The following CLDND1 variants were observed in gnomAD, a reference collection of about 807,000 sequenced individuals.
The protein encoded by CLDND1 is claudin domain-containing protein 1.
Under a neutral mutation model 26.3 loss-of-function variants are expected in CLDND1, and 13 were observed. The ratio of observed to expected loss-of-function variants is 0.49; its 90% CI spans 0.32 to 0.78. The LOEUF (loss-of-function observed/expected upper bound fraction) is 0.78. Ranked by LOEUF, CLDND1 falls within the 30% of genes least tolerant of loss-of-function variation. CLDND1 has a pLI of 0.03. For synonymous variants in CLDND1, 107 were observed against 107.0 expected, an observed-to-expected ratio of 1.00 and a Z score of 0.00; for missense variants, 289 against 312.8, an observed-to-expected ratio of 0.92 and a Z score of 0.57.
Position 98,516,101 on chromosome 3 carries a change from G to A in CLDND1, c.*558C>T. 1 of 1,086,554 alleles carries A rather than the reference G, an allele frequency of 9.2e-7. No homozygotes were observed. The highest frequency in any genetic ancestry group is 4.5e-5 in the Admixed American group (1 of 22,066). The allele number at this position is 1,086,554 out of a possible 1,614,324, so 67.3% of individuals were successfully genotyped here. On this transcript the variant is annotated 3_prime_UTR_variant, in exon 5 of 5. Coordinates refer to ENST00000341181, the MANE Select transcript of CLDND1 (RefSeq NM_001040181.2). Reference sequence around the variant, plus strand: ...GACAGACACAGTGCAGATACAAACAGCTGCCATATCTCACCTCAGATGAAG... The same window carrying A: ...GACAGACACAGTGCAGATACAAACAACTGCCATATCTCACCTCAGATGAAG...
rs1158697686 is a variant in CLDND1, at chr3:98,521,621, C to G, written c.-18-179G>C. 1.9e-6 allele frequency: 3 copies of G among 1,587,214 alleles called. No homozygotes were observed. The African/African-American group carries it at 4.0e-5, about 21-fold the overall frequency. On this transcript the variant is annotated intron_variant, in intron 1 of 4. Coordinates refer to ENST00000341181, the MANE Select transcript of CLDND1 (RefSeq NM_001040181.2). Reference sequence around the variant, plus strand: ...AATTAAGCTTAAAACAAAACTCATTCTCATAAAAGTACTTATTGAATGCTC... The same window carrying G: ...AATTAAGCTTAAAACAAAACTCATTGTCATAAAAGTACTTATTGAATGCTC...
rs1267504801 is a variant in CLDND1, at chr3:98,521,443, C to A, written c.-18-1G>T. ...TATCCATTCTGGCATTCAGACTGCT[C>A]TGTTTAGAAGTTGAAGAAAGAAGAT... On this transcript the variant is annotated splice_acceptor_variant, in intron 1 of 4. Transcript: ENST00000341181. LOFTEE classifies it low-confidence loss of function (5UTR_SPLICE). 3.1e-6 allele frequency: 5 copies of A among 1,611,894 alleles called. No homozygotes were observed. The highest frequency in any genetic ancestry group is 4.2e-6 in the Non-Finnish European group (5 of 1,178,626).
At chr3:98,517,233 G>C in intron 3 of CLDND1, 44 bp from the exon 4 acceptor site, 1 of 1,591,856 alleles carries the variant, frequency 6.3e-7, no homozygotes, top group South Asian at 1.1e-5. Flanking sequence ...CGTGATTTCA[G>C]ACCATTTTCC....
intron 3 of CLDND1, 67 bp downstream of exon 3, chr3:98,518,818 G>T: frequency 1.0e-6 from 1 of 955,410 alleles, no homozygotes; most frequent in Non-Finnish European, 1.7e-6. Flanking sequence ...CAAAAACATA[G>T]TCCAAAAAGA....
chr3:98,520,937 C>T (rs1343918685), intron 2 of CLDND1, 196 bp downstream of exon 2: 1 of 477,734 alleles, frequency 2.1e-6, no homozygotes, highest in Non-Finnish European at 3.6e-6. Context: ...GTTCCTCATC[C>T]AACCAATATT....
chr3:98,519,732 C>G (rs1706320264), intron 2 of CLDND1, among the ~76,000 whole-genome samples: 1 of 152,228 alleles, frequency 6.6e-6, no homozygotes, highest in Non-Finnish European at 1.5e-5. Context: ...GTCTCTCCCT[C>G]CATTCCAGCC....
chr3:98,521,672 G>A lies in CLDND1; in HGVS notation c.-18-230C>T, dbSNP rs1342759230. 2 of 1,612,904 alleles carry A rather than the reference G, an allele frequency of 1.2e-6. No individual in the cohort carries two copies. The highest frequency in any genetic ancestry group is 1.7e-5 in the Admixed American group (1 of 59,982). ...ACATACCCAGGATGCTACGGAGACA[G>A]AGGTCTTGTTCTCTAGTCTATCACC... On this transcript the variant is annotated intron_variant, in intron 1 of 4. Transcript: ENST00000341181.
In CLDND1 at chr3:98,521,178, T is replaced by C. The variant is rs13099146; in HGVS notation, c.247A>G (p.Thr83Ala). ...GTVGLWRRCI[T>A]IPKNMHWYSP... ...TACCAATGCATGTTTTTGGGTATGG[T>C]GATACACCGTCTCCACAATCCCACT... The change falls in exon 2 of 5, where the codon ACC becomes GCC. Residue 83 changes from threonine (T) to alanine (A), a missense_variant. Transcript: ENST00000341181. 1.2e-6 allele frequency: 2 copies of C among 1,614,246 alleles called. No homozygotes were observed. Among genetic ancestry groups the C allele is most frequent in the East Asian group, 2.2e-5 (1 of 44,888 alleles).
chr3:98,518,816 T>TA, intron 3 of CLDND1, 69 bp downstream of exon 3: 1 of 925,104 alleles, frequency 1.1e-6, no homozygotes, highest in East Asian at 2.4e-5. Flanking sequence ...TCCAAAAACA[T>TA]AGTCCAAAAA....
intron 1 of CLDND1, 188 bp downstream of exon 1, chr3:98,522,661 C>T: frequency 1.4e-6 from 2 of 1,423,146 alleles, no homozygotes; most frequent in Non-Finnish European, 9.1e-7. Flanking sequence ...CAGCCGTGCT[C>T]GGCCCCGGGC....
At position 98,515,831 on chromosome 3, in the gene CLDND1, G is replaced by A. The variant is rs539589594; in HGVS notation, c.*828C>T. The A allele has an allele frequency of 2.3e-6, 3 of 1,289,154 alleles. No homozygotes were observed. The highest frequency in any genetic ancestry group is 2.5e-5 in the South Asian group (2 of 81,010). The allele number at this position is 1,289,154 out of a possible 1,614,324, so 79.9% of individuals were successfully genotyped here. A position where few individuals can be genotyped will look rare whatever the true frequency, so the allele number is the denominator to read the frequency against. ...TGGTGAAACGTTCTTTATAGTACTG[G>A]GCTGGAATAAATAAATAGCAGTTGA... On this transcript the variant is annotated 3_prime_UTR_variant, in exon 5 of 5. Coordinates refer to ENST00000341181, the MANE Select transcript of CLDND1 (RefSeq NM_001040181.2).
Position 98,521,244 on chromosome 3 carries a change from C to T in CLDND1, c.181G>A (p.Glu61Lys). The change falls in exon 2 of 5, where the codon GAA (glutamate) becomes AAA (lysine). Residue 61 changes from glutamate (E) to lysine (K), a missense_variant. Physicochemically the swap from Glu to Lys is moderately conservative, Grantham distance 56. Transcript: ENST00000341181. ...WDEFISDEAD[E>K]KTYNDALFRY... ...AAAAGTGCATCATTATAAGTCTTTT[C>T]ATCTGCCTCATCACTAATGAATTCA... 6.2e-7 allele frequency: 1 copy of T among 1,614,220 alleles called. No individual in the cohort carries two copies. The highest frequency in any genetic ancestry group is 8.5e-7 in the Non-Finnish European group (1 of 1,180,036).
Position 98,515,763 on chromosome 3 carries a change from CT to C in CLDND1, c.*895del. 1 of 1,289,740 alleles carries C rather than the reference CT, an allele frequency of 7.8e-7. No individual in the cohort carries two copies. The allele number at this position is 1,289,740 out of a possible 1,614,324, so 79.9% of individuals were successfully genotyped here. A position where few individuals can be genotyped will look rare whatever the true frequency, so the allele number is the denominator to read the frequency against. The stretch of plus-strand genomic sequence containing the variant: ...GTTGGAGGTTAATGGACAGCCAGAA[CT>C]TTAGATCTTGTGGTAGGTTTCCCAG... On this transcript the variant is annotated 3_prime_UTR_variant, in exon 5 of 5. Coordinates refer to ENST00000341181, the MANE Select transcript of CLDND1 (RefSeq NM_001040181.2).
Position 98,515,974 on chromosome 3 carries a change from C to G in CLDND1, c.*685G>C, listed in dbSNP as rs1471995419. 7.5e-6 allele frequency: 9 copies of G among 1,199,846 alleles called. No individual in the cohort carries two copies. The highest frequency in any genetic ancestry group is 2.9e-4 in the Middle Eastern group (1 of 3,454). The allele number at this position is 1,199,846 out of a possible 1,614,324, so 74.3% of individuals were successfully genotyped here. On this transcript the variant is annotated 3_prime_UTR_variant, in exon 5 of 5. Transcript: ENST00000341181. ...CAATTTGGTGGTACTGAAAATCTTA[C>G]GGAGAGTTAAAAATAATACTAATCC... is the stretch of plus-strand genomic sequence containing the variant.
At chr3:98,518,199 A>G (rs1706238738) in intron 3 of CLDND1, among the ~76,000 whole-genome samples, 1 of 152,102 alleles carries the variant, frequency 6.6e-6, no homozygotes. Flanking sequence ...TGTTTTTCTA[A>G]CTTACTTTCT....
chr3:98,521,365 G>A lies in CLDND1; in HGVS notation c.60C>T (p.Thr20=), dbSNP rs778719381. ...TGCCAATGGAGGCTGCCATGTAGAT[G>A]GTGGAAATGAGGCTAAGCACACAAG... ...VIACVLSLIS[T]IYMAASIGTD... The change falls in exon 2 of 5, where the codon ACC becomes ACT. Residue 20 remains threonine (T), a synonymous_variant. Transcript: ENST00000341181. 1.2e-6 allele frequency: 2 copies of A among 1,614,184 alleles called. No homozygotes were observed. The highest frequency in any genetic ancestry group is 2.2e-5 in the East Asian group (1 of 44,886).
intron 4 of CLDND1, 73 bp from the exon 5 acceptor site, chr3:98,516,952 G>GT (rs1484371559): frequency 1.9e-6 from 3 of 1,607,448 alleles, no homozygotes; most frequent in Non-Finnish European, 2.5e-6. Context: ...TTCAGGCAAT[G>GT]TGACAGGGCA....
chr3:98,517,316 G>C (rs1576267418), intron 3 of CLDND1, 127 bp from the exon 4 acceptor site: 1 of 1,078,000 alleles, frequency 9.3e-7, no homozygotes, highest in Non-Finnish European at 1.3e-6. Flanking sequence ...TAACATTGAG[G>C]CCTCTTTTCT....
chr3:98,522,516 C>T (rs1028020384), intron 1 of CLDND1: 13 of 1,227,280 alleles, frequency 1.1e-5, no homozygotes, highest in Non-Finnish European at 1.3e-5. Flanking sequence ...AAAAATCCCC[C>T]CTTCATCCTG....
Sources: gnomAD v4.1 joint callset for allele counts (sites outside exome capture counted in the v4.1 genomes callset) on GRCh38, gnomAD v4.1.1 for gene constraint, MANE v1.5 for transcripts, NCBI Gene and HGNC (gene_info 2026-07-23, HGNC 2026-07-21) for gene names.